ACYP2: variants seen among roughly 807,000 people sequenced by gnomAD.
ACYP2 encodes the protein acylphosphatase 2.
A neutral mutation model predicts 11.2 loss-of-function variants in ACYP2; 12 were observed. The observed-to-expected ratio is 1.08, with a 90% CI of 0.69 to 1.74. ACYP2 has a LOEUF of 1.74. Among genes scored for constraint, ACYP2 ranks in the 40% most tolerant of loss-of-function variants. The probability of loss-of-function intolerance (pLI) is 0.00; values close to 1 mark genes in which losing one functional copy is unlikely to be tolerated. For missense variants in ACYP2, 134 were observed against 101.9 expected (o/e 1.31, Z -1.35); for synonymous variants, 43 against 32.2 (o/e 1.33, Z -1.13).
chr2:54,000,658 A>T (rs1235867089), intron 2 of ACYP2, among the ~76,000 whole-genome samples: 1 of 152,238 alleles, frequency 6.6e-6, no homozygotes, highest in Non-Finnish European at 1.5e-5. Flanking sequence ...AGGAACTAGA[A>T]GTTGGAGTTG....
At chr2:53,976,450 G>T (rs1410046745) in intron 2 of ACYP2, among the ~76,000 whole-genome samples, 1 of 152,136 alleles carries the variant, frequency 6.6e-6, no homozygotes, top group African/African-American at 2.4e-5. Flanking sequence ...CAAGCAATCT[G>T]CCCGCCTCAG....
intron 6 of ACYP2, among the ~76,000 whole-genome samples, chr2:54,187,496 G>A (rs756414590): frequency 6.6e-6 from 1 of 152,218 alleles, no homozygotes; most frequent in Non-Finnish European, 1.5e-5. Flanking sequence ...GGCTGCTTGC[G>A]AAAGGGCTGA....
intron 2 of ACYP2, among the ~76,000 whole-genome samples, chr2:53,974,408 T>C (rs1671363049): frequency 6.6e-6 from 1 of 152,170 alleles, no homozygotes; most frequent in South Asian, 2.1e-4. Context: ...TGTTTGGTAC[T>C]GGAAGTTGGA....
intron 6 of ACYP2, among the ~76,000 whole-genome samples, chr2:54,301,860 G>A (rs1005755032): frequency 1.3e-5 from 2 of 152,138 alleles, no homozygotes; most frequent in African/African-American, 4.8e-5. Flanking sequence ...CCTGCCAAGT[G>A]ACAGGTGACC....
At chr2:54,088,726 C>T (rs1443416848) in intron 4 of ACYP2, among the ~76,000 whole-genome samples, 1 of 152,136 alleles carries the variant, frequency 6.6e-6, no homozygotes, top group Non-Finnish European at 1.5e-5. Context: ...TTAAAGTGAC[C>T]ATAGATTGGC....
chr2:54,021,507 G>C (rs1301114631), intron 2 of ACYP2, among the ~76,000 whole-genome samples: 1 of 152,112 alleles, frequency 6.6e-6, no homozygotes, highest in East Asian at 1.9e-4. Flanking sequence ...TAAATAAGTT[G>C]GGTGATCACT....
chr2:53,997,982 T>G (rs1247991225), intron 2 of ACYP2, among the ~76,000 whole-genome samples: 1 of 152,168 alleles, frequency 6.6e-6, no homozygotes, highest in Non-Finnish European at 1.5e-5. Context: ...TTTGGTGGTG[T>G]TTGCTGATCA....
At chr2:54,302,571 G>A (rs1272040721) in intron 6 of ACYP2, among the ~76,000 whole-genome samples, 3 of 152,182 alleles carry the variant, frequency 2.0e-5, no homozygotes, top group African/African-American at 4.8e-5. Context: ...TATAACTTTC[G>A]ATACTTTCTA....
At chr2:54,295,988 T>C (rs1351443187) in intron 6 of ACYP2, among the ~76,000 whole-genome samples, 1 of 152,158 alleles carries the variant, frequency 6.6e-6, no homozygotes, top group African/African-American at 2.4e-5. Context: ...CTCGCATTCC[T>C]GGCCTCAAGT....
At chr2:54,201,618 T>TTGTTTCTTTCTTTC (rs1553391292) in intron 6 of ACYP2, among the ~76,000 whole-genome samples, 131 of 101,982 alleles carry the variant, frequency 1.3e-3, no homozygotes, top group African/African-American at 4.1e-3. Context: ...CTTTCTTTCT[T>TTGTTTCTTTCTTTC]TCTTTGTTTC....
intron 6 of ACYP2, among the ~76,000 whole-genome samples, chr2:54,201,293 G>T (rs1481731430): frequency 6.6e-6 from 1 of 152,080 alleles, no homozygotes; most frequent in African/African-American, 2.4e-5. Context: ...TTTTAGTAGA[G>T]ATGGGGTTTC....
chr2:54,233,690 C>A (rs1686345003), intron 6 of ACYP2, among the ~76,000 whole-genome samples: 1 of 152,156 alleles, frequency 6.6e-6, no homozygotes, highest in Non-Finnish European at 1.5e-5. Flanking sequence ...TACTTTCTGT[C>A]ACTACAGATT....
chr2:54,232,351 C>G (rs1686271202), intron 6 of ACYP2, among the ~76,000 whole-genome samples: 1 of 152,140 alleles, frequency 6.6e-6, no homozygotes, highest in African/African-American at 2.4e-5. Flanking sequence ...CAGTGTAGGT[C>G]TTGTGCTACC....
At chr2:54,130,463 G>A (rs1328830953) in intron 4 of ACYP2, among the ~76,000 whole-genome samples, 1 of 152,190 alleles carries the variant, frequency 6.6e-6, no homozygotes, top group Non-Finnish European at 1.5e-5. Flanking sequence ...GCCCCTGTGG[G>A]CTTTTAAGCT....
intron 6 of ACYP2, among the ~76,000 whole-genome samples, chr2:54,164,246 A>G (rs1237898421): frequency 6.6e-6 from 1 of 152,222 alleles, no homozygotes; most frequent in Non-Finnish European, 1.5e-5. Context: ...GGATGCACAC[A>G]GGAACTGGGG....
rs113073983 is a variant in ACYP2, at chr2:53,989,986, T to C, written c.62+16176T>C. Among the ~76,000 whole-genome samples the C allele has an allele frequency of 1.6e-3, 64 of 40,918 alleles. No homozygotes were observed. In the Middle Eastern group the frequency reaches 0.056, roughly 36 times the overall value. The allele number at this position is 40,918 out of a possible 152,430, so 26.8% of individuals were successfully genotyped here. ...AAACCCTTTTCTTTTCTTTTCTTTT[T>C]TTTTTTTTTTTGAGATGGAGTCTTG... On this transcript the variant is annotated intron_variant, in intron 2 of 6. Coordinates refer to ENST00000607452, the MANE Select transcript of ACYP2 (RefSeq NM_001320586.2).
chr2:54,095,196 G>T (rs1404891153), intron 4 of ACYP2, among the ~76,000 whole-genome samples: 1 of 152,160 alleles, frequency 6.6e-6, no homozygotes, highest in Admixed American at 6.5e-5. Context: ...AGAGCACAGG[G>T]TTGGGGGTAA....
At chr2:54,053,432 T>C (rs1675966329) in intron 3 of ACYP2, among the ~76,000 whole-genome samples, 1 of 152,154 alleles carries the variant, frequency 6.6e-6, no homozygotes, top group Non-Finnish European at 1.5e-5. Flanking sequence ...CCCAACTCAC[T>C]CTGCACACCC....
At chr2:54,223,067 C>T (rs1220631703) in intron 6 of ACYP2, 2 of 152,188 alleles carry the variant, frequency 1.3e-5, no homozygotes, top group Non-Finnish European at 2.9e-5. Flanking sequence ...TGCCTCTACC[C>T]TCAAGCTGGA....
Sources: allele counts gnomAD v4.1 joint callset (sites outside exome capture counted in the v4.1 genomes callset), GRCh38; gene constraint gnomAD v4.1.1; transcripts MANE v1.5; gene names NCBI Gene and HGNC (gene_info 2026-07-23, HGNC 2026-07-21).